Variants in MROH7 observed in about 807,000 individuals in gnomAD.
MROH7 encodes the protein maestro heat-like repeat-containing protein family member 7.
A neutral mutation model predicts 129.2 loss-of-function variants in MROH7; 113 were observed. That is an observed-to-expected ratio of 0.87 (90% confidence interval 0.75 to 1.02). MROH7 has a LOEUF of 1.02. Among genes scored for constraint, MROH7 ranks in the 50% least tolerant of loss-of-function variants. The pLI, the probability that MROH7 is intolerant of heterozygous loss-of-function variation, is 0.00. For synonymous variants in MROH7, 655 were observed against 667.9 expected (o/e 0.98, Z 0.30); for missense variants, 1,601 against 1,671.3 (o/e 0.96, Z 0.73).
rs757011841 is a variant in MROH7, at chr1:54,661,426, G to T, written c.1232-3741G>T. On this transcript the variant is annotated intron_variant, in intron 3 of 23. Coordinates refer to ENST00000421030, the MANE Select transcript of MROH7 (RefSeq NM_001039464.4). ...GGGGTTTCTCCGTGTTGATCAGGCT[G>T]GTTTCGAACTTCTGACCTCAGGTGA... is the stretch of plus-strand genomic sequence containing the variant. Among the ~76,000 whole-genome samples the T allele has an allele frequency of 1.4e-4, 22 of 151,900 alleles. 1 individual carries two copies. The highest frequency in any genetic ancestry group is 2.5e-4 in the Non-Finnish European group (17 of 67,988).
In MROH7 at chr1:54,701,221, G is replaced by T; in HGVS notation, c.3184G>T (p.Val1062Phe). The T allele has an allele frequency of 6.2e-7, 1 of 1,614,210 alleles. No homozygotes were observed. Among genetic ancestry groups the T allele is most frequent in the Non-Finnish European group, 8.5e-7 (1 of 1,180,008 alleles). Residue 1062 changes from valine (V) to phenylalanine (F), a missense_variant, in exon 19 of 24, where the codon GTC becomes TTC. By Grantham distance (50) the Val-to-Phe change is conservative. Coordinates refer to ENST00000421030, the MANE Select transcript of MROH7 (RefSeq NM_001039464.4). ...NMDGMLVVEA[V>F]HNLKAVFKGR... ...GGATGGGATGCTGGTGGTGGAAGCG[G>T]TCCACAACCTCAAGGCTGTCTTCAA...
In MROH7 at chr1:54,709,993, G is replaced by A. The variant is rs750024173; in HGVS notation, c.3778G>A (p.Ala1260Thr). The A allele has an allele frequency of 1.4e-5, 22 of 1,613,940 alleles. No individual in the cohort carries two copies. The highest frequency in any genetic ancestry group is 1.9e-5 in the Non-Finnish European group (22 of 1,180,024). ...HDPEASVCIY[A>T]AQVQDHILAS... is the part of the protein sequence containing the mutation. ...CCCAGAAGCATCAGTGTGCATCTAC[G>A]CAGCCCAGGTCCAGGACCACATCCT... The change falls in exon 24 of 24, where the codon GCA becomes ACA. Residue 1260 changes from alanine (A) to threonine (T), a missense_variant. By Grantham distance (58) the Ala-to-Thr change is moderately conservative. Coordinates refer to ENST00000421030, the MANE Select transcript of MROH7 (RefSeq NM_001039464.4).
At chr1:54,656,560 T>C (rs2477677) in intron 3 of MROH7, among the ~76,000 whole-genome samples, 142,903 of 148,574 alleles carry the variant, frequency 0.96, 68,958 homozygotes, top group East Asian at 1. Flanking sequence ...CGGTGGCTCA[T>C]GCCTGTAGTC....
chr1:54,679,368 A>G lies in MROH7; in HGVS notation c.2155A>G (p.Met719Val). 3 of 1,614,090 alleles carry G rather than the reference A, an allele frequency of 1.9e-6. No individual in the cohort carries two copies. The highest frequency in any genetic ancestry group is 2.2e-5 in the South Asian group (2 of 91,090). ...GGCTCCAGGGAAGGACTCCAGGGAGATGATGCAGCTGGCCTCGGAGGTCAT... is the reference window on the plus strand; with the variant it reads ...GGCTCCAGGGAAGGACTCCAGGGAGGTGATGCAGCTGGCCTCGGAGGTCAT... ...SEAPGKDSRE[M>V]MQLASEVMLS... is the part of the protein sequence containing the mutation. Residue 719 changes from methionine to valine, a missense_variant, in exon 12 of 24, where the codon ATG becomes GTG. Transcript: ENST00000421030.
At chr1:54,690,139 T>G (rs151199630) in intron 15 of MROH7, among the ~76,000 whole-genome samples, 1 of 152,162 alleles carries the variant, frequency 6.6e-6, no homozygotes, top group Non-Finnish European at 1.5e-5. Flanking sequence ...GAGTGAGTGT[T>G]TGGGGACACA....
chr1:54,665,598 C>A (rs189271101), intron 4 of MROH7: 184 of 175,814 alleles, frequency 1.0e-3, no homozygotes, highest in Non-Finnish European at 1.9e-3. Context: ...CTAGAAGTGG[C>A]CTTTTTTCAG....
At chr1:54,704,987 C>A (rs11206416) in intron 21 of MROH7, among the ~76,000 whole-genome samples, 3 of 150,848 alleles carry the variant, frequency 2.0e-5, no homozygotes, top group African/African-American at 7.3e-5. Context: ...TTAGTAGAGA[C>A]GGAGTTTCTC....
chr1:54,686,454 C>T lies in MROH7; in HGVS notation c.2711+6C>T. Reference sequence around the variant, plus strand: ...TCTCCCTTCGTACCTGTGCGGTATGCTCTGCCCTCTCTCTTGACCCTGCTG... The same window carrying T: ...TCTCCCTTCGTACCTGTGCGGTATGTTCTGCCCTCTCTCTTGACCCTGCTG... On this transcript the variant is annotated splice_donor_region_variant and intron_variant, in intron 15 of 23. Transcript: ENST00000421030. The T allele has an allele frequency of 6.2e-7, 1 of 1,612,844 alleles. No individual in the cohort carries two copies. The highest frequency in any genetic ancestry group is 8.5e-7 in the Non-Finnish European group (1 of 1,179,440).
rs370688091 is a variant in MROH7 at position 54,680,002 on chromosome 1, G to A, written c.2338G>A (p.Glu780Lys). 6 of 1,614,030 alleles carry A rather than the reference G, an allele frequency of 3.7e-6. No individual in the cohort carries two copies. The highest frequency in any genetic ancestry group is 2.2e-5 in the South Asian group (2 of 91,082). ...CCTCCTGGCTAGCTCCTTCATGACC[G>A]AGGTTGTGGTGGCCCTGCTCATGTG... is the stretch of plus-strand genomic sequence containing the variant. ...VSLLASSFMTEVVVALLMCPL... is the reference protein window; with the variant it reads ...VSLLASSFMTKVVVALLMCPL... Residue 780 changes from glutamate (E) to lysine (K), a missense_variant, in exon 13 of 24, where the codon GAG becomes AAG. By Grantham distance (56) the Glu-to-Lys change is moderately conservative. Transcript: ENST00000421030.
intron 11 of MROH7, 66 bp from the exon 12 acceptor site, chr1:54,679,197 C>G: frequency 6.5e-7 from 1 of 1,549,340 alleles, no homozygotes; most frequent in Non-Finnish European, 8.9e-7. Flanking sequence ...CCTCTGTGCA[C>G]AAAGCTCGAA....
intron 13 of MROH7, among the ~76,000 whole-genome samples, chr1:54,682,160 CTTT>C (rs36109984): frequency 4.0e-4 from 54 of 134,924 alleles, no homozygotes; most frequent in East Asian, 6.5e-4. Context: ...TTCTTTCTTT[CTTT>C]TTTTTTTTTT....
In MROH7 at chr1:54,654,093, G is replaced by T. The variant is rs757939515; in HGVS notation, c.1167G>T (p.Pro389=). The change falls in exon 3 of 24, where the codon CCG becomes CCT. Residue 389 remains proline (P), a synonymous_variant. Coordinates refer to ENST00000421030, the MANE Select transcript of MROH7 (RefSeq NM_001039464.4). ...EMASIKVGQF[P]LGFPISNPAG... Reference sequence around the variant, plus strand: ...CCAGCATTAAGGTGGGCCAGTTCCCGCTGGGATTCCCCATCTCCAACCCCG... The same window carrying T: ...CCAGCATTAAGGTGGGCCAGTTCCCTCTGGGATTCCCCATCTCCAACCCCG... The T allele has an allele frequency of 1.2e-5, 19 of 1,613,784 alleles. No homozygotes were observed. The South Asian group carries it at 2.1e-4, about 18-fold the overall frequency.
chr1:54,662,979 T>A (rs945019029), intron 3 of MROH7, among the ~76,000 whole-genome samples: 2 of 152,240 alleles, frequency 1.3e-5, no homozygotes, highest in African/African-American at 4.8e-5. Flanking sequence ...AGCACAGAAG[T>A]GACGCTGGGT....
chr1:54,647,892 G>A (rs967801679), intron 1 of MROH7, among the ~76,000 whole-genome samples: 66 of 129,872 alleles, frequency 5.1e-4, no homozygotes, highest in African/African-American at 1.5e-3. Context: ...GTGACAGAGT[G>A]AGACTCCATC....
At position 54,679,333 on chromosome 1, in the gene MROH7, G is replaced by A. The variant is rs1020891345; in HGVS notation, c.2120G>A (p.Gly707Asp). The A allele has an allele frequency of 1.2e-6, 2 of 1,614,180 alleles. No homozygotes were observed. Among genetic ancestry groups the A allele is most frequent in the Middle Eastern group, 1.7e-4 (1 of 6,060 alleles). The part of the protein sequence containing the change: ...LLLAALEGLK[G>D]SSEAPGKDSR... ...CTGGCCGCCCTGGAAGGGCTGAAAG[G>A]CAGCTCAGAGGCTCCAGGGAAGGAC... The change falls in exon 12 of 24, where the codon GGC (glycine) becomes GAC (aspartate). Residue 707 changes from glycine to aspartate, a missense_variant. By Grantham distance (94) the Gly-to-Asp change is moderately conservative. Transcript: ENST00000421030.
intron 4 of MROH7, among the ~76,000 whole-genome samples, chr1:54,666,424 A>ATTTTT (rs1159919384): frequency 1.2e-5 from 1 of 85,794 alleles, no homozygotes; most frequent in African/African-American, 4.5e-5. Context: ...GGAGAAGAGG[A>ATTTTT]ATTTTTTTTT....
chr1:54,679,174 G>T, intron 11 of MROH7, 89 bp from the exon 12 acceptor site: 1 of 1,311,310 alleles, frequency 7.6e-7, no homozygotes, highest in South Asian at 1.2e-5. Context: ...GTGGGCGTCA[G>T]GCAGTGTTTG....
intron 3 of MROH7, 152 bp downstream of exon 3, chr1:54,654,309 G>A (rs1387282720): frequency 1.2e-5 from 10 of 818,616 alleles, no homozygotes; most frequent in South Asian, 8.0e-5. Context: ...TCTAATAATC[G>A]GCCTCTGCTA....
At chr1:54,644,724 G>C (rs116339961) in intron 1 of MROH7, among the ~76,000 whole-genome samples, 3,944 of 149,846 alleles carry the variant, frequency 0.026, 162 homozygotes, top group African/African-American at 0.091. Flanking sequence ...CTGGTCTAGA[G>C]CTCCTGGGCT....
Sources: allele counts gnomAD v4.1 joint callset (sites outside exome capture counted in the v4.1 genomes callset), GRCh38; gene constraint gnomAD v4.1.1; transcripts MANE v1.5; gene names NCBI Gene and HGNC (gene_info 2026-07-23, HGNC 2026-07-21).